Variants in LRRC9 observed in about 807,000 individuals in gnomAD.
The protein encoded by LRRC9 is leucine-rich repeat-containing protein 9.
Under a neutral mutation model 63.2 loss-of-function variants are expected in LRRC9, and 122 were observed. That is an observed-to-expected ratio of 1.93 (90% CI 1.67 to 2.24). The LOEUF is 2.24. Ranked by LOEUF, LRRC9 falls within the 30% of genes most tolerant of loss-of-function variation. The pLI is 0.00. For synonymous variants in LRRC9, 366 were observed against 213.1 expected (o/e 1.72, Z -6.25); for missense variants, 1,071 against 627.7 (o/e 1.71, Z -7.55).
intron 19 of LRRC9, among the ~76,000 whole-genome samples, chr14:60,001,188 TTGTG>T (rs146007143): frequency 6.0e-5 from 9 of 149,184 alleles, no homozygotes; most frequent in South Asian, 2.1e-4. Flanking sequence ...TGATGTATAT[TTGTG>T]TGTGTGTGTG....
chr14:60,018,262 G>C (rs536786994), intron 24 of LRRC9, 109 bp from the exon 25 acceptor site: 6 of 657,822 alleles, frequency 9.1e-6, no homozygotes, highest in Admixed American at 8.8e-5. Context: ...ATACTTGTCA[G>C]GTGAGACTTT....
At chr14:59,929,455 A>C (rs1369370643) in intron 3 of LRRC9, among the ~76,000 whole-genome samples, 2 of 152,100 alleles carry the variant, frequency 1.3e-5, no homozygotes, top group East Asian at 3.9e-4. Context: ...GTGGAGAAAA[A>C]GGAATGTTTA....
At chr14:60,000,066 G>C (rs1889204909) in intron 19 of LRRC9, among the ~76,000 whole-genome samples, 1 of 152,006 alleles carries the variant, frequency 6.6e-6, no homozygotes, top group South Asian at 2.1e-4. Flanking sequence ...TGGTGGACTG[G>C]ATAAAGAAAA....
intron 8 of LRRC9, among the ~76,000 whole-genome samples, chr14:59,946,902 A>G (rs1411200182): frequency 3.2e-5 from 4 of 126,902 alleles, no homozygotes; most frequent in Non-Finnish European, 6.6e-5. Flanking sequence ...AATCCAGTCT[A>G]TCATTGTTGG....
chr14:59,979,718 C>G (rs895931292), intron 15 of LRRC9, among the ~76,000 whole-genome samples: 16 of 149,240 alleles, frequency 1.1e-4, no homozygotes, highest in African/African-American at 4.0e-4. Context: ...ATCGCAAGGA[C>G]AAAAAACCAA....
chr14:60,062,687 T>C (rs1894727497), intron 31 of LRRC9, among the ~76,000 whole-genome samples: 1 of 152,196 alleles, frequency 6.6e-6, no homozygotes, highest in Non-Finnish European at 1.5e-5. Context: ...CCTAAGAACA[T>C]TGCTAGTTCT....
At chr14:60,046,718 C>T (rs1392983167) in intron 29 of LRRC9, among the ~76,000 whole-genome samples, 2 of 152,312 alleles carry the variant, frequency 1.3e-5, no homozygotes, top group African/African-American at 4.8e-5. Flanking sequence ...ATGCCTTCAG[C>T]TTTGTTCTTT....
At position 59,940,472 on chromosome 14, in the gene LRRC9, G is replaced by A. The variant is rs79972320; in HGVS notation, c.726+1900G>A. On this transcript the variant is annotated intron_variant, in intron 7 of 31. Transcript: ENST00000445360. ...GAACTAGTTTGTGTAAACTACAAGT[G>A]TCAGGTAAAGTCAGAACCTACCAGG... Among the ~76,000 whole-genome samples the A allele has an allele frequency of 5.9e-5, 9 of 152,148 alleles. No individual in the cohort carries two copies. In the East Asian group the frequency reaches 1.5e-3, roughly 26 times the overall value.
intron 16 of LRRC9, among the ~76,000 whole-genome samples, chr14:59,982,323 T>C (rs1396311308): frequency 3.3e-5 from 5 of 152,250 alleles, no homozygotes. Context: ...ATTTTAATAA[T>C]ACATTTTATT....
intron 17 of LRRC9, among the ~76,000 whole-genome samples, chr14:59,994,647 G>A (rs1276749312): frequency 1.3e-5 from 2 of 152,204 alleles, no homozygotes; most frequent in African/African-American, 4.8e-5. Context: ...TTAAGAAAAT[G>A]TGGCAAATAT....
In LRRC9 at chr14:59,942,397, T is replaced by C. The variant is rs1881872796; in HGVS notation, c.727-2192T>C. 6.6e-6 allele frequency among the ~76,000 whole-genome samples: 1 copy of C among 152,132 alleles called. No homozygotes were observed. The highest frequency in any genetic ancestry group is 6.6e-5 in the Admixed American group (1 of 15,264). On this transcript the variant is annotated intron_variant, in intron 7 of 31. Coordinates refer to ENST00000445360, the Ensembl canonical transcript of LRRC9. The surrounding 1 kb of genome is among the most constrained non-coding windows in gnomAD (Gnocchi z 5.3). ...GCTGAATCCTATGGAAGTTCTACTT[T>C]TAATTTTTTGAGAAAACGCCATCCT...
At chr14:59,977,254 G>C in exon 14 of LRRC9, 2 of 690,368 alleles carry the variant, frequency 2.9e-6, no homozygotes, top group Non-Finnish European at 5.3e-6. Flanking sequence ...AGTTTTCCTT[G>C]GCCAGAGTGT....
At chr14:60,043,973 A>G (rs1314764341) in intron 29 of LRRC9, among the ~76,000 whole-genome samples, 2 of 150,966 alleles carry the variant, frequency 1.3e-5, no homozygotes. Context: ...TACAGCTTCT[A>G]TTTCATTACT....
chr14:59,961,326 A>G (rs184326182), intron 10 of LRRC9, among the ~76,000 whole-genome samples: 1 of 152,350 alleles, frequency 6.6e-6, no homozygotes, highest in East Asian at 1.9e-4. Flanking sequence ...CCAAGAGCAG[A>G]ATATAATTTA....
At chr14:60,064,215 C>G (rs548081446), downstream of LRRC9, among the ~76,000 whole-genome samples, 30 of 152,222 alleles carry the variant, frequency 2.0e-4, no homozygotes, top group African/African-American at 6.3e-4. Context: ...AGTACTAGGA[C>G]GTATCACAGA....
chr14:60,004,761 C>G lies in LRRC9; in HGVS notation c.2842+963C>G, dbSNP rs1422723947. Among the ~76,000 whole-genome samples, 2 of 151,980 alleles carry G rather than the reference C, an allele frequency of 1.3e-5. No individual in the cohort carries two copies. The highest frequency in any genetic ancestry group is 6.6e-5 in the Admixed American group (1 of 15,256). On this transcript the variant is annotated intron_variant, in intron 21 of 31. Coordinates refer to ENST00000445360, the Ensembl canonical transcript of LRRC9. The surrounding 1 kb of genome is among the most constrained non-coding windows in gnomAD (Gnocchi z 4.8). Reference sequence around the variant, plus strand: ...AAAGAAGCTTTCCATGACTTGCTACCAACTTTCTCTTATTCTCCCTCTCCA... The same window carrying G: ...AAAGAAGCTTTCCATGACTTGCTACGAACTTTCTCTTATTCTCCCTCTCCA...
chr14:60,062,894 A>AT (rs67053505), intron 31 of LRRC9, among the ~76,000 whole-genome samples: 108,716 of 145,628 alleles, frequency 0.75, 42,266 homozygotes, highest in Non-Finnish European at 0.86. Flanking sequence ...AGTCCACAGT[A>AT]TTTTTTTTTT....
chr14:59,943,725 T>C (rs974771140), intron 7 of LRRC9, among the ~76,000 whole-genome samples: 1 of 152,064 alleles, frequency 6.6e-6, no homozygotes, highest in South Asian at 2.1e-4. Context: ...CATCATACTA[T>C]GTATTTGTTC....
chr14:59,997,520 G>T, intron 17 of LRRC9, 136 bp from the exon 18 acceptor site: 1 of 497,318 alleles, frequency 2.0e-6, no homozygotes. Context: ...TACCATCATT[G>T]CAACATAACT....
Sources: gnomAD v4.1 joint callset for allele counts (sites outside exome capture counted in the v4.1 genomes callset) on GRCh38, gnomAD v4.1.1 for gene constraint, Gnocchi (gnomAD v3.1) non-coding constraint, MANE v1.5 for transcripts, NCBI Gene and HGNC (gene_info 2026-07-23, HGNC 2026-07-21) for gene names.